Variants in RALGPS2 observed in about 807,000 individuals in gnomAD.
RALGPS2 encodes the protein Ral GEF with PH domain and SH3 binding motif 2.
RALGPS2 carries 43 observed loss-of-function variants against 86.8 expected under a neutral mutation model. The ratio of observed to expected loss-of-function variants is 0.50; its 90% CI spans 0.39 to 0.64. The LOEUF is 0.64. Ranked by LOEUF, RALGPS2 falls within the 30% of genes least tolerant of loss-of-function variation. The pLI is 0.00. For missense variants in RALGPS2, 536 were observed against 694.6 expected (o/e 0.77, Z 2.57); for synonymous variants, 243 against 231.3 (o/e 1.05, Z -0.46).
chr1:178,814,943 C>A (rs1216704273), intron 6 of RALGPS2, among the ~76,000 whole-genome samples: 1 of 152,148 alleles, frequency 6.6e-6, no homozygotes, highest in African/African-American at 2.4e-5. Flanking sequence ...TTCATTGAAT[C>A]TGATAGGAGT....
intron 2 of RALGPS2, among the ~76,000 whole-genome samples, chr1:178,781,016 A>G (rs1291144161): frequency 6.6e-6 from 1 of 151,746 alleles, no homozygotes; most frequent in Non-Finnish European, 1.5e-5. Context: ...AATATGTTAT[A>G]TATATATATA....
At chr1:178,792,872 A>T (rs1038332025) in intron 4 of RALGPS2, among the ~76,000 whole-genome samples, 2 of 152,186 alleles carry the variant, frequency 1.3e-5, no homozygotes, top group African/African-American at 2.4e-5. Context: ...TCCATCATCT[A>T]TATTCAACCA....
intron 8 of RALGPS2, among the ~76,000 whole-genome samples, chr1:178,833,991 G>A (rs1656149453): frequency 2.0e-5 from 3 of 152,042 alleles, no homozygotes; most frequent in Non-Finnish European, 4.4e-5. Context: ...GATTCACTGT[G>A]GCAATTTAGC....
intron 7 of RALGPS2, among the ~76,000 whole-genome samples, chr1:178,829,265 C>T (rs1655901091): frequency 6.6e-6 from 1 of 152,162 alleles, no homozygotes; most frequent in South Asian, 2.1e-4. Context: ...AATGTTGGGT[C>T]AGTAGGTACA....
At position 178,784,527 on chromosome 1, in the gene RALGPS2, G is replaced by A. The variant is rs560634077; in HGVS notation, c.162+5G>A. 1 of 1,567,552 alleles carries A rather than the reference G, an allele frequency of 6.4e-7. No individual in the cohort carries two copies. Among genetic ancestry groups the A allele is most frequent in the African/African-American group, 1.3e-5 (1 of 74,408 alleles). On this transcript the variant is annotated splice_donor_5th_base_variant and intron_variant, in intron 3 of 19. Transcript: ENST00000367635. The stretch of plus-strand genomic sequence containing the variant: ...GTTACACCAGAAGAATATGCGGTAA[G>A]CCTCCTACCTCTGTCTTCTCCGGTT...
At chr1:178,839,885 A>G (rs1312686434) in intron 8 of RALGPS2, among the ~76,000 whole-genome samples, 1 of 152,198 alleles carries the variant, frequency 6.6e-6, no homozygotes, top group African/African-American at 2.4e-5. Context: ...CTTTAAACCA[A>G]CAAAGATCAA....
At chr1:178,779,680 T>C (rs1451479998) in intron 2 of RALGPS2, among the ~76,000 whole-genome samples, 1 of 152,238 alleles carries the variant, frequency 6.6e-6, no homozygotes, top group African/African-American at 2.4e-5. Flanking sequence ...TAACTTAGGT[T>C]AATAGCATCA....
intron 1 of RALGPS2, among the ~76,000 whole-genome samples, chr1:178,730,100 CCTGA>C (rs1430458826): frequency 5.3e-5 from 8 of 152,150 alleles, no homozygotes; most frequent in South Asian, 2.1e-4. Flanking sequence ...TGCCACCATG[CCTGA>C]CTAATTTTTG....
chr1:178,812,595 G>T (rs934705972), intron 6 of RALGPS2, among the ~76,000 whole-genome samples: 1 of 152,136 alleles, frequency 6.6e-6, no homozygotes, highest in African/African-American at 2.4e-5. Context: ...ATATGTCAAA[G>T]AAGTATATTT....
intron 8 of RALGPS2, chr1:178,865,251 C>T: frequency 6.2e-7 from 1 of 1,614,134 alleles, no homozygotes. Context: ...TATTTCACCT[C>T]TAGTTCCCTG....
intron 8 of RALGPS2, among the ~76,000 whole-genome samples, chr1:178,848,727 A>T (rs1201776646): frequency 2.0e-5 from 3 of 151,978 alleles, no homozygotes; most frequent in Non-Finnish European, 4.4e-5. Context: ...ATCTCGGCCC[A>T]CTGCAAGCAA....
At chr1:178,824,601 G>A (rs570113134) in intron 7 of RALGPS2, among the ~76,000 whole-genome samples, 1 of 152,098 alleles carries the variant, frequency 6.6e-6, no homozygotes, top group Non-Finnish European at 1.5e-5. Flanking sequence ...AAGGTCAGGA[G>A]ATCCAGACCA....
At position 178,793,115 on chromosome 1, in the gene RALGPS2, A is replaced by G. The variant is rs371918497; in HGVS notation, c.213+7508A>G. ...TTTATTTAAAAGCCCTTTGAATTAC[A>G]GAAGATAATTTTTTAGCGGCCAAAC... On this transcript the variant is annotated intron_variant, in intron 4 of 19. Coordinates refer to ENST00000367635, the MANE Select transcript of RALGPS2 (RefSeq NM_152663.5). Among the ~76,000 whole-genome samples, 556 of 152,344 alleles carry G rather than the reference A, an allele frequency of 3.6e-3. 5 individuals carry two copies. The highest frequency in any genetic ancestry group is 0.012 in the African/African-American group (504 of 41,584).
rs118183795 is a variant in RALGPS2 at position 178,771,833 on chromosome 1, A to G, written c.-83-4849A>G. Among the ~76,000 whole-genome samples the G allele has an allele frequency of 3.7e-4, 56 of 152,350 alleles. No homozygotes were observed. In the East Asian group the frequency reaches 8.9e-3, roughly 24 times the overall value. ...TAAATTGCTTCATTCATTTAGCAGTATATTATAAATATTTTTTTCATGTGT... is the reference window on the plus strand; with the variant it reads ...TAAATTGCTTCATTCATTTAGCAGTGTATTATAAATATTTTTTTCATGTGT... On this transcript the variant is annotated intron_variant, in intron 1 of 19. Transcript: ENST00000367635.
intron 4 of RALGPS2, among the ~76,000 whole-genome samples, chr1:178,800,517 TCTTC>T (rs148676907): frequency 0.036 from 5,455 of 152,242 alleles, 118 homozygotes; most frequent in African/African-American, 0.055. Context: ...TAGTAAATTC[TCTTC>T]CTTATGATTT....
intron 2 of RALGPS2, among the ~76,000 whole-genome samples, chr1:178,784,133 A>T (rs2102126823): frequency 6.6e-6 from 1 of 152,282 alleles, no homozygotes; most frequent in East Asian, 1.9e-4. Context: ...AACTAGTTAA[A>T]ATCATTTATT....
intron 8 of RALGPS2, chr1:178,852,869 A>G (rs1312261461): frequency 7.4e-6 from 12 of 1,613,774 alleles, no homozygotes; most frequent in Admixed American, 3.3e-5. Flanking sequence ...AATTCAATCA[A>G]TAACTTGTAA....
At chr1:178,825,595 A>C (rs562630165) in intron 7 of RALGPS2, among the ~76,000 whole-genome samples, 7 of 152,300 alleles carry the variant, frequency 4.6e-5, no homozygotes, top group Admixed American at 2.6e-4. Context: ...AAAAATCTTC[A>C]AGATATAGGG....
chr1:178,758,421 T>A (rs1652059605), intron 1 of RALGPS2, among the ~76,000 whole-genome samples: 1 of 152,184 alleles, frequency 6.6e-6, no homozygotes, highest in South Asian at 2.1e-4. Flanking sequence ...CTTTTAGTTA[T>A]TTTAAAATGT....
Sources: allele counts gnomAD v4.1 joint callset (sites outside exome capture counted in the v4.1 genomes callset), GRCh38; gene constraint gnomAD v4.1.1; transcripts MANE v1.5; gene names NCBI Gene and HGNC (gene_info 2026-07-23, HGNC 2026-07-21).